Variants in LAMC3 observed in about 807,000 individuals in gnomAD.
LAMC3 encodes laminin subunit gamma-3.
LAMC3 carries 128 observed loss-of-function variants against 173.8 expected under a neutral mutation model. The observed-to-expected ratio is 0.74, with a 90% CI of 0.64 to 0.85. The LOEUF (loss-of-function observed/expected upper bound fraction) is 0.85. Ranked by LOEUF, LAMC3 falls within the 40% of genes least tolerant of loss-of-function variation. LAMC3 has a pLI of 0.00. For missense variants in LAMC3, 2,022 were observed against 2,156.0 expected, an observed-to-expected ratio of 0.94 and a Z score of 1.23; for synonymous variants, 897 against 909.1, an observed-to-expected ratio of 0.99 and a Z score of 0.24.
At chr9:131,046,180 CTTTTTTTTTTTTTTTTTT>C (rs61108655) in intron 8 of LAMC3, among the ~76,000 whole-genome samples, 4 of 76,506 alleles carry the variant, frequency 5.2e-5, no homozygotes, top group African/African-American at 6.8e-5. Context: ...AGTTTTGCTC[CTTTTTTTTTTTTTTTTTT>C]TTTTTTTTTT....
At chr9:131,075,679 C>G (rs533792717) in intron 20 of LAMC3, 152 bp from the exon 21 acceptor site, 1 of 784,904 alleles carries the variant, frequency 1.3e-6, no homozygotes, top group South Asian at 1.7e-5. Flanking sequence ...CCTTGAAGTG[C>G]GTAACACAGA....
At position 131,092,571 on chromosome 9, in the gene LAMC3, T is replaced by C. The variant is rs896260030; in HGVS notation, c.*784T>C. ...CGCTTCCCTCTCAGGGTCCTGGGAC[T>C]GCACCAGATGCCCTGAGGGAATGGC... is the stretch of plus-strand genomic sequence containing the variant. On this transcript the variant is annotated 3_prime_UTR_variant, in exon 28 of 28. Coordinates refer to ENST00000361069, the MANE Select transcript of LAMC3 (RefSeq NM_006059.4). 9.8e-5 allele frequency: 15 copies of C among 152,554 alleles called. No homozygotes were observed. The highest frequency in any genetic ancestry group is 3.6e-4 in the African/African-American group (15 of 41,486). The allele number at this position is 152,554 out of a possible 1,614,324, so 9.5% of individuals were successfully genotyped here.
chr9:131,038,316 C>T (rs770067234), intron 4 of LAMC3, among the ~76,000 whole-genome samples: 2 of 152,186 alleles, frequency 1.3e-5, no homozygotes, highest in Non-Finnish European at 2.9e-5. Flanking sequence ...AGCACGAGGG[C>T]GGCAGGTGTA....
intron 7 of LAMC3, 92 bp downstream of exon 7, chr9:131,041,827 G>A (rs999830228): frequency 3.0e-5 from 33 of 1,091,640 alleles, no homozygotes; most frequent in Non-Finnish European, 4.3e-5. Context: ...GGAGGAGCAA[G>A]GGGCACGGTC....
chr9:131,060,177 C>G (rs557450463), intron 12 of LAMC3, among the ~76,000 whole-genome samples: 108 of 152,276 alleles, frequency 7.1e-4, no homozygotes, highest in African/African-American at 2.0e-3. Flanking sequence ...TATCCCAAAC[C>G]CCATAAAGGG....
intron 6 of LAMC3, among the ~76,000 whole-genome samples, 163 bp downstream of exon 6, chr9:131,039,411 A>G (rs181659852): frequency 6.0e-4 from 92 of 152,282 alleles, no homozygotes; most frequent in African/African-American, 2.1e-3. Flanking sequence ...GGAGAGGCCA[A>G]GAGACAAAAA....
intron 8 of LAMC3, among the ~76,000 whole-genome samples, chr9:131,046,180 C>CTTTTTTT (rs61108655): frequency 2.6e-5 from 2 of 76,542 alleles, no homozygotes; most frequent in African/African-American, 1.3e-4. Flanking sequence ...AGTTTTGCTC[C>CTTTTTTT]TTTTTTTTTT....
At chr9:131,086,674 G>A (rs926087969) in intron 25 of LAMC3, among the ~76,000 whole-genome samples, 35 of 150,650 alleles carry the variant, frequency 2.3e-4, no homozygotes, top group African/African-American at 8.3e-4. Context: ...GATCACTTGA[G>A]GTCAGGAGTT....
In LAMC3 at chr9:131,029,813, GTCCACCTCCTGCTTC is replaced by G. The variant is rs1833793576; in HGVS notation, c.679-2228_679-2214del. On this transcript the variant is annotated intron_variant, in intron 2 of 27. Coordinates refer to ENST00000361069, the MANE Select transcript of LAMC3 (RefSeq NM_006059.4). The surrounding 1 kb of genome is among the most constrained non-coding windows in gnomAD (Gnocchi z 4.6). Reference sequence around the variant, plus strand: ...ACCCCTTGGACATAGAGCCCAAGCTGTCCACCTCCTGCTTCTCCTTAATGCCATGGCCTGAGTCCT... The same window carrying G: ...ACCCCTTGGACATAGAGCCCAAGCTGTCCTTAATGCCATGGCCTGAGTCCT... Among the ~76,000 whole-genome samples the G allele has an allele frequency of 6.6e-6, 1 of 152,154 alleles. No individual in the cohort carries two copies. The highest frequency in any genetic ancestry group is 2.1e-4 in the South Asian group (1 of 4,830).
intron 15 of LAMC3, 64 bp downstream of exon 15, chr9:131,068,295 GC>G (rs1290772678): frequency 4.5e-6 from 7 of 1,542,400 alleles, no homozygotes; most frequent in Non-Finnish European, 5.3e-6. Context: ...GCATCGGGCA[GC>G]CCCCAGGGAG....
intron 2 of LAMC3, among the ~76,000 whole-genome samples, chr9:131,027,404 A>G (rs897463445): frequency 1.6e-4 from 24 of 152,298 alleles, no homozygotes; most frequent in Middle Eastern, 3.4e-3. Flanking sequence ...AAGGGCTCCT[A>G]TGAAAATGGC....
At chr9:131,019,236 T>C (rs1833584752) in intron 1 of LAMC3, among the ~76,000 whole-genome samples, 1 of 152,134 alleles carries the variant, frequency 6.6e-6, no homozygotes, top group Non-Finnish European at 1.5e-5. Context: ...CACTCCAGCC[T>C]AGGCAACAGA....
At chr9:131,028,198 G>A (rs1833762347) in intron 2 of LAMC3, among the ~76,000 whole-genome samples, 1 of 152,210 alleles carries the variant, frequency 6.6e-6, no homozygotes, top group South Asian at 2.1e-4. Flanking sequence ...GTGTCCTCCT[G>A]AGAATCTAGT....
Position 131,055,669 on chromosome 9 carries a change from C to T in LAMC3, c.1940-1260C>T, listed in dbSNP as rs184896557. Among the ~76,000 whole-genome samples, 528 of 151,946 alleles carry T rather than the reference C, an allele frequency of 3.5e-3. 1 individual carries two copies. The highest frequency in any genetic ancestry group is 0.012 in the African/African-American group (496 of 41,478). On this transcript the variant is annotated intron_variant, in intron 11 of 27. Transcript: ENST00000361069. The stretch of plus-strand genomic sequence containing the variant: ...CTCGATTTCCTGACCTTATGATTCG[C>T]CCGCCTCAGCCTCCCAAAGTCCTGG...
chr9:131,041,814 C>G lies in LAMC3; in HGVS notation c.1382+79C>G, dbSNP rs1020055305. 3.1e-6 allele frequency: 4 copies of G among 1,271,696 alleles called. No individual in the cohort carries two copies. The African/African-American group carries it at 4.4e-5, about 14-fold the overall frequency. 78.8% of individuals were successfully genotyped at this position (1,271,696 alleles called of 1,614,324 possible). A position where few individuals can be genotyped will look rare whatever the true frequency, so the allele number is the denominator to read the frequency against. On this transcript the variant is annotated intron_variant, in intron 7 of 27. Coordinates refer to ENST00000361069, the MANE Select transcript of LAMC3 (RefSeq NM_006059.4). ...GATGAGGCACCAAAGCTGTGGAGTG[C>G]GGGGAGGAGCAAGGGGCACGGTCTT...
At chr9:131,040,456 C>T (rs1035483962) in intron 6 of LAMC3, among the ~76,000 whole-genome samples, 2 of 152,144 alleles carry the variant, frequency 1.3e-5, no homozygotes, top group African/African-American at 4.8e-5. Flanking sequence ...TGATTACAGA[C>T]GTGAGTCACC....
At position 131,072,655 on chromosome 9, in the gene LAMC3, G is replaced by A. The variant is rs780440387; in HGVS notation, c.3237G>A (p.Gln1079=). The part of the protein sequence containing the change: ...LPGAREAFLE[Q]MMSLEGAVKA... The stretch of plus-strand genomic sequence containing the variant: ...GGGCTCGGGAAGCCTTCCTGGAGCA[G>A]ATGATGAGCCTCGAGGGTGCTGTCA... Residue 1079 remains glutamine, a synonymous_variant, in exon 19 of 28, where the codon CAG becomes CAA. Transcript: ENST00000361069. The A allele has an allele frequency of 6.2e-6, 10 of 1,610,970 alleles. No homozygotes were observed. The East Asian group carries it at 1.3e-4, about 22-fold the overall frequency.
intron 25 of LAMC3, chr9:131,085,933 T>A: frequency 1.6e-6 from 1 of 631,946 alleles, no homozygotes; most frequent in Admixed American, 2.3e-5. Context: ...CAGGTGAGAA[T>A]GCTGAGGTGC....
rs566777275 is a variant in LAMC3, at chr9:131,045,612, T to C, written c.1471T>C (p.Ser491Pro). The change falls in exon 8 of 28, where the codon TCC (serine) becomes CCC (proline). Residue 491 changes from serine to proline, a missense_variant. Coordinates refer to ENST00000361069, the MANE Select transcript of LAMC3 (RefSeq NM_006059.4). ...CTATGGCCACTCCAAGGTGTGCGCG[T>C]CCACTGCCCAGTTCCAGGTGCATCA... ...FCYGHSKVCA[S>P]TAQFQVHHIL... is the part of the protein sequence containing the mutation. 2 of 1,614,178 alleles carry C rather than the reference T, an allele frequency of 1.2e-6. No homozygotes were observed. Among genetic ancestry groups the C allele is most frequent in the East Asian group, 4.5e-5 (2 of 44,874 alleles).
Sources: allele counts gnomAD v4.1 joint callset (sites outside exome capture counted in the v4.1 genomes callset), GRCh38; gene constraint gnomAD v4.1.1; non-coding constraint Gnocchi (gnomAD v3.1); transcripts MANE v1.5; gene names NCBI Gene and HGNC (gene_info 2026-07-23, HGNC 2026-07-21).